The following MED16 variants were observed in gnomAD, a reference collection of about 807,000 sequenced individuals.
The protein encoded by MED16 is mediator complex subunit 16, also known as mediator of RNA polymerase II transcription subunit 16.
MED16 carries 81 observed loss-of-function variants against 84.4 expected under a neutral mutation model. That is an observed-to-expected ratio of 0.96 (90% CI 0.80 to 1.15). The LOEUF is 1.15. Among genes scored for constraint, MED16 ranks in the 50% most tolerant of loss-of-function variants. The pLI is 0.00. For missense variants in MED16, 1,585 were observed against 1,245.9 expected, an observed-to-expected ratio of 1.27 and a Z score of -4.10; for synonymous variants, 897 against 552.2, an observed-to-expected ratio of 1.62 and a Z score of -8.76.
intron 8 of MED16, among the ~76,000 whole-genome samples, chr19:878,255 CCCACG>C (rs2036312106): frequency 1.5e-5 from 1 of 67,538 alleles, no homozygotes; most frequent in African/African-American, 6.2e-5. Flanking sequence ...CAGCCCCAGC[CCCACG>C]GGCCCCAGCA....
At chr19:875,564 G>A (rs1412223859) in intron 9 of MED16, 110 bp from the exon 10 acceptor site, 6 of 852,110 alleles carry the variant, frequency 7.0e-6, no homozygotes, top group African/African-American at 5.1e-5. Flanking sequence ...TCGGTCAGCT[G>A]GGCAAGCTGC....
Position 875,453 on chromosome 19 carries a change from A to G in MED16, c.1562T>C (p.Val521Ala). The G allele has an allele frequency of 1.9e-6, 3 of 1,598,680 alleles. No individual in the cohort carries two copies. The highest frequency in any genetic ancestry group is 2.5e-6 in the Non-Finnish European group (3 of 1,178,872). The change falls in exon 10 of 16, where the codon GTC becomes GCC. Residue 521 changes from valine to alanine, a missense_variant and splice_region_variant. Physicochemically the swap from Val to Ala is moderately conservative, Grantham distance 64. Transcript: ENST00000325464. ...YTRQTAALQQ[V>A]LSTRILAMKA... ...CATGGCCAGGATCCGGGTGGAGAGGACCTGAGGGCAGGAAGCCAGGTCACC... is the reference window on the plus strand; with the variant it reads ...CATGGCCAGGATCCGGGTGGAGAGGGCCTGAGGGCAGGAAGCCAGGTCACC...
At chr19:891,434 C>A (rs1599348468) in intron 1 of MED16, among the ~76,000 whole-genome samples, 1 of 152,192 alleles carries the variant, frequency 6.6e-6, no homozygotes, top group Non-Finnish European at 1.5e-5. Flanking sequence ...AGGGAACAGA[C>A]CATGGGGGCC....
At chr19:872,655 G>A (rs913659085) in intron 11 of MED16, among the ~76,000 whole-genome samples, 2 of 151,864 alleles carry the variant, frequency 1.3e-5, no homozygotes, top group Admixed American at 6.6e-5. Context: ...GTACCGGCGG[G>A]GGGGTGGGGG....
Position 868,331 on chromosome 19 carries a change from C to CAGCTGAGGGGT in MED16, c.2483+74_2484-81dup, listed in dbSNP as rs745410752. 6,371 of 1,539,024 alleles carry CAGCTGAGGGGT rather than the reference C, an allele frequency of 4.1e-3. 15 individuals carry two copies. Among genetic ancestry groups the CAGCTGAGGGGT allele is most frequent in the Middle Eastern group, 5.9e-3 (33 of 5,572 alleles). On this transcript the variant is annotated intron_variant, in intron 15 of 15. Coordinates refer to ENST00000325464, the MANE Select transcript of MED16 (RefSeq NM_005481.3). ...CTCTTGCAGCAGCCGGGCTCAGGGGCAGCTGAGGGGTAGCTGAGGAGTAGC... is the reference window on the plus strand; with the variant it reads ...CTCTTGCAGCAGCCGGGCTCAGGGGCAGCTGAGGGGTAGCTGAGGGGTAGCTGAGGAGTAGC...
intron 11 of MED16, 77 bp downstream of exon 11, chr19:873,372 C>G (rs1179693374): frequency 7.2e-7 from 1 of 1,383,008 alleles, no homozygotes; most frequent in African/African-American, 2.1e-5. Context: ...TTTTGAGGGG[C>G]AGGGGCAGGG....
intron 11 of MED16, chr19:872,892 G>A (rs1433305128): frequency 2.1e-6 from 2 of 965,234 alleles, no homozygotes; most frequent in Non-Finnish European, 1.3e-6. Context: ...GGAAGGGTGT[G>A]GCCAAGGAAA....
chr19:869,416 TGGGTGGGGGACCTGGGTCTGGGTGG>T (rs928966402), intron 13 of MED16, among the ~76,000 whole-genome samples: 9 of 81,384 alleles, frequency 1.1e-4, no homozygotes, highest in Non-Finnish European at 2.3e-4. Context: ...CCCTCGGTGG[TGGGTGGGGGACCTGGGTCTGGGTGG>T]GGGTGGGCCG....
At chr19:876,444 T>C (rs1451283900) in intron 9 of MED16, among the ~76,000 whole-genome samples, 1 of 152,082 alleles carries the variant, frequency 6.6e-6, no homozygotes, top group Non-Finnish European at 1.5e-5. Context: ...ACCCATCACA[T>C]TCTGAGAGGA....
In MED16 at chr19:891,154, G is replaced by T. The variant is rs763709655; in HGVS notation, c.-18-5C>A. On this transcript the variant is annotated splice_polypyrimidine_tract_variant and splice_region_variant and intron_variant, in intron 1 of 15. Coordinates refer to ENST00000325464, the MANE Select transcript of MED16 (RefSeq NM_005481.3). ...CATGAGGGCAGTCACCAGCTCCTGCGGGAGGGAGGTGTGGTGGGACGTCTA... is the reference window on the plus strand; with the variant it reads ...CATGAGGGCAGTCACCAGCTCCTGCTGGAGGGAGGTGTGGTGGGACGTCTA... The T allele has an allele frequency of 1.9e-6, 3 of 1,602,630 alleles. No homozygotes were observed. Among genetic ancestry groups the T allele is most frequent in the Non-Finnish European group, 2.6e-6 (3 of 1,173,310 alleles).
Position 868,518 on chromosome 19 carries a change from T to C in MED16, c.2400-19A>G. On this transcript the variant is annotated intron_variant, in intron 14 of 15. Transcript: ENST00000325464. ...GCCGCACCTGCGGGGAGGCAGGCAC[T>C]GAGCGGGTTCCCACTTCCAGGCGGG... 2 of 1,607,306 alleles carry C rather than the reference T, an allele frequency of 1.2e-6. No individual in the cohort carries two copies. Among genetic ancestry groups the C allele is most frequent in the Non-Finnish European group, 1.7e-6 (2 of 1,179,544 alleles).
intron 8 of MED16, among the ~76,000 whole-genome samples, chr19:878,371 GCC>G (rs2036317382): frequency 2.5e-5 from 1 of 39,370 alleles, no homozygotes; most frequent in African/African-American, 1.1e-4. Context: ...CCCAGCCCCA[GCC>G]CCAGCCCCAC....
At chr19:891,916 C>CG (rs1190568736) in intron 1 of MED16, among the ~76,000 whole-genome samples, 11 of 118,220 alleles carry the variant, frequency 9.3e-5, no homozygotes, top group African/African-American at 3.6e-4. Flanking sequence ...GTGGCCGAGG[C>CG]GGGGCTGAGT....
Position 868,936 on chromosome 19 carries a change from G to T in MED16, c.2326C>A (p.Gln776Lys). 1.9e-6 allele frequency: 3 copies of T among 1,541,452 alleles called. No homozygotes were observed. The highest frequency in any genetic ancestry group is 1.7e-6 in the Non-Finnish European group (2 of 1,150,472). ...QLDGLARAPG[Q>K]PKIDHLRRLH... is the part of the protein sequence containing the mutation. ...CTCCGCAGGTGGTCGATCTTGGGCT[G>T]GCCTGGGGCCCTGGCGGGAGAGGGG... Residue 776 changes from glutamine (Q) to lysine (K), a missense_variant, in exon 14 of 16, where the codon CAG becomes AAG. Coordinates refer to ENST00000325464, the MANE Select transcript of MED16 (RefSeq NM_005481.3).
In MED16 at chr19:889,827, A is replaced by G. The variant is rs1336057779; in HGVS notation, c.278-20T>C. 4 of 1,600,454 alleles carry G rather than the reference A, an allele frequency of 2.5e-6. No homozygotes were observed. Among genetic ancestry groups the G allele is most frequent in the East Asian group, 2.3e-5 (1 of 44,350 alleles). ...GGGAGCCTGAGGGCAAGAAGCCATC[A>G]TTGCGAACCTTCCAGGGATGGGCAG... On this transcript the variant is annotated intron_variant, in intron 3 of 15. Coordinates refer to ENST00000325464, the MANE Select transcript of MED16 (RefSeq NM_005481.3).
chr19:891,643 C>G (rs1415566348), intron 1 of MED16, among the ~76,000 whole-genome samples: 1 of 143,162 alleles, frequency 7.0e-6, no homozygotes, highest in Non-Finnish European at 1.5e-5. Context: ...ACAGGGAACA[C>G]CTGTGGCCGA....
intron 14 of MED16, 142 bp from the exon 15 acceptor site, chr19:868,641 T>G: frequency 1.6e-6 from 2 of 1,235,846 alleles, no homozygotes; most frequent in Non-Finnish European, 2.2e-6. Flanking sequence ...CCACAGGGCC[T>G]CTGCCCATGC....
chr19:887,675 G>T (rs956123098), intron 4 of MED16, among the ~76,000 whole-genome samples: 1 of 151,990 alleles, frequency 6.6e-6, no homozygotes. Flanking sequence ...CAAAAAAAAT[G>T]TATTTGGTTA....
intron 12 of MED16, chr19:871,503 G>C: frequency 6.6e-7 from 1 of 1,516,980 alleles, no homozygotes; most frequent in Non-Finnish European, 8.9e-7. Context: ...TAAAAAGTAT[G>C]TGGGAAGCAC....
Sources: allele counts gnomAD v4.1 joint callset (sites outside exome capture counted in the v4.1 genomes callset), GRCh38; gene constraint gnomAD v4.1.1; transcripts MANE v1.5; gene names NCBI Gene and HGNC (gene_info 2026-07-23, HGNC 2026-07-21).